IQCJ: variants seen among roughly 807,000 people sequenced by gnomAD.
The protein encoded by IQCJ is IQ motif containing J.
Under a neutral mutation model 11.0 loss-of-function variants are expected in IQCJ, and 9 were observed. The ratio of observed to expected loss-of-function variants is 0.82; its 90% CI spans 0.49 to 1.43. IQCJ has a LOEUF of 1.43. Ranked by LOEUF, IQCJ falls within the 40% of genes most tolerant of loss-of-function variation. The probability of loss-of-function intolerance (pLI) is 0.00; values close to 1 mark genes in which losing one functional copy is unlikely to be tolerated. For missense variants in IQCJ, 146 were observed against 133.2 expected (o/e 1.10, Z -0.47); for synonymous variants, 55 against 51.3 (o/e 1.07, Z -0.31).
chr3:159,205,033 A>G (rs1724569443), intron 1 of IQCJ, among the ~76,000 whole-genome samples: 1 of 152,152 alleles, frequency 6.6e-6, no homozygotes, highest in South Asian at 2.1e-4. Flanking sequence ...TTCCAGGTTG[A>G]CCAGCAGCAA....
chr3:159,193,153 C>G (rs1436041943), intron 1 of IQCJ, among the ~76,000 whole-genome samples: 3 of 152,088 alleles, frequency 2.0e-5, no homozygotes, highest in Non-Finnish European at 2.9e-5. Flanking sequence ...TGACAGATAC[C>G]CTAGTAGACA....
chr3:159,119,680 C>A (rs975704925), intron 1 of IQCJ, among the ~76,000 whole-genome samples: 5 of 152,154 alleles, frequency 3.3e-5, no homozygotes, highest in African/African-American at 1.2e-4. Flanking sequence ...CATTGTTTTG[C>A]TCCACAGATT....
intron 1 of IQCJ, among the ~76,000 whole-genome samples, chr3:159,189,255 A>C (rs1356640263): frequency 1.3e-5 from 2 of 152,242 alleles, no homozygotes; most frequent in Non-Finnish European, 2.9e-5. Flanking sequence ...GAGAGGGTGC[A>C]GTTCAAGTAC....
intron 1 of IQCJ, among the ~76,000 whole-genome samples, chr3:159,105,013 A>G (rs1718164717): frequency 6.6e-6 from 1 of 152,222 alleles, no homozygotes; most frequent in South Asian, 2.1e-4. Context: ...CATAGTAGAT[A>G]TTCGATAAAA....
intron 1 of IQCJ, among the ~76,000 whole-genome samples, chr3:159,122,540 C>T (rs1182481125): frequency 6.6e-6 from 1 of 152,132 alleles, no homozygotes; most frequent in Non-Finnish European, 1.5e-5. Context: ...AGGAATAAGA[C>T]ATTTCTCATT....
intron 1 of IQCJ, among the ~76,000 whole-genome samples, chr3:159,234,061 C>A (rs1310652937): frequency 1.3e-5 from 2 of 152,124 alleles, no homozygotes; most frequent in African/African-American, 4.8e-5. Context: ...CCAAGTCATT[C>A]ATGGGAAAAG....
chr3:159,199,601 T>C (rs185926865), intron 1 of IQCJ, among the ~76,000 whole-genome samples: 33 of 152,298 alleles, frequency 2.2e-4, no homozygotes, highest in Admixed American at 1.8e-3. Flanking sequence ...ATCATTGATG[T>C]GGCGGGAGGA....
At chr3:159,233,537 T>C (rs1007149738) in intron 1 of IQCJ, among the ~76,000 whole-genome samples, 2 of 152,210 alleles carry the variant, frequency 1.3e-5, no homozygotes, top group Non-Finnish European at 2.9e-5. Flanking sequence ...ATCTGTGTGA[T>C]AGTTAAAATA....
At chr3:159,232,254 C>T (rs1396792040) in intron 1 of IQCJ, among the ~76,000 whole-genome samples, 1 of 151,986 alleles carries the variant, frequency 6.6e-6, no homozygotes, top group Non-Finnish European at 1.5e-5. Context: ...CCTGCTTTCT[C>T]CTGTGGGCAT....
At chr3:159,200,537 A>G (rs9856166) in intron 1 of IQCJ, among the ~76,000 whole-genome samples, 23,577 of 152,070 alleles carry the variant, frequency 0.16, 2,094 homozygotes, top group Admixed American at 0.21. Context: ...TGCAGAATTA[A>G]CGGGAAGCCT....
chr3:159,090,308 G>A (rs1027461509), intron 1 of IQCJ, among the ~76,000 whole-genome samples: 1 of 151,786 alleles, frequency 6.6e-6, no homozygotes, highest in Non-Finnish European at 1.5e-5. Context: ...GCTGCGTGCT[G>A]GGAGAACCAC....
chr3:159,242,035 G>C (rs1414032897), intron 1 of IQCJ, among the ~76,000 whole-genome samples: 1 of 152,176 alleles, frequency 6.6e-6, no homozygotes, highest in Non-Finnish European at 1.5e-5. Flanking sequence ...GATTGTAATT[G>C]TGCACAGAAT....
chr3:159,114,555 C>G (rs1485299627), intron 1 of IQCJ, among the ~76,000 whole-genome samples: 1 of 15,780 alleles, frequency 6.3e-5, no homozygotes, highest in Non-Finnish European at 1.7e-4. Flanking sequence ...CAGTGATCCA[C>G]CCCCCCTCGG....
chr3:159,178,650 T>C (rs951440007), intron 1 of IQCJ, among the ~76,000 whole-genome samples: 1 of 152,172 alleles, frequency 6.6e-6, no homozygotes, highest in East Asian at 1.9e-4. Context: ...TTCTGCTCTA[T>C]TGGAAGGAAG....
At chr3:159,118,505 T>C (rs1471468729) in intron 1 of IQCJ, among the ~76,000 whole-genome samples, 2 of 152,132 alleles carry the variant, frequency 1.3e-5, no homozygotes, top group African/African-American at 4.8e-5. Flanking sequence ...TCCAAAAACC[T>C]AAAGAGGTAA....
chr3:159,121,728 A>C (rs1222704056), intron 1 of IQCJ, among the ~76,000 whole-genome samples: 4 of 152,178 alleles, frequency 2.6e-5, no homozygotes, highest in South Asian at 4.1e-4. Flanking sequence ...CGAAGTAAAC[A>C]TGAGAGCTAG....
At chr3:159,071,524 A>T (rs1403296619) in intron 1 of IQCJ, among the ~76,000 whole-genome samples, 1 of 152,094 alleles carries the variant, frequency 6.6e-6, no homozygotes, top group African/African-American at 2.4e-5. Flanking sequence ...ATATATAGAA[A>T]TATTAATCTA....
chr3:159,203,054 G>C (rs1724444825), intron 1 of IQCJ, among the ~76,000 whole-genome samples: 1 of 151,810 alleles, frequency 6.6e-6, no homozygotes, highest in Non-Finnish European at 1.5e-5. Context: ...ACTGTTAGTG[G>C]ATCTAGCATT....
rs376588550 is a variant in IQCJ, at chr3:159,246,120, TATG to T, written c.74+217_74+219del. Among the ~76,000 whole-genome samples, 599 of 152,292 alleles carry T rather than the reference TATG, an allele frequency of 3.9e-3. 3 individuals carry two copies. The highest frequency in any genetic ancestry group is 0.012 in the African/African-American group (517 of 41,572). On this transcript the variant is annotated intron_variant, in intron 2 of 3. Coordinates refer to ENST00000397832, the MANE Select transcript of IQCJ (RefSeq NM_001042706.3). ...CAAGCTCTACTGCTTAACAGAGTAA[TATG>T]ATGCCTGGAAGATGTTTCTGGTGGT...
Sources: gnomAD v4.1 joint callset for allele counts (sites outside exome capture counted in the v4.1 genomes callset) on GRCh38, gnomAD v4.1.1 for gene constraint, MANE v1.5 for transcripts, NCBI Gene and HGNC (gene_info 2026-07-23, HGNC 2026-07-21) for gene names.